PRKCH: variants seen among roughly 807,000 people sequenced by gnomAD.
PRKCH encodes protein kinase C eta type.
A neutral mutation model predicts 82.5 loss-of-function variants in PRKCH; 28 were observed. The observed-to-expected ratio is 0.34, with a 90% confidence interval of 0.25 to 0.47. The LOEUF (loss-of-function observed/expected upper bound fraction) is 0.47, where lower values mean the gene tolerates loss of function less well. Ranked by LOEUF, PRKCH falls within the 20% of genes least tolerant of loss-of-function variation. The pLI is 1.00. For synonymous variants in PRKCH, 322 were observed against 327.4 expected, an observed-to-expected ratio of 0.98 and a Z score of 0.18; for missense variants, 705 against 881.8, an observed-to-expected ratio of 0.80 and a Z score of 2.54.
At chr14:61,389,051 A>C (rs866326970) in intron 1 of PRKCH, among the ~76,000 whole-genome samples, 3 of 152,206 alleles carry the variant, frequency 2.0e-5, no homozygotes, top group African/African-American at 7.2e-5. Flanking sequence ...AGATACAATA[A>C]ATTTTAAAAA....
intron 2 of PRKCH, among the ~76,000 whole-genome samples, chr14:61,420,194 C>T (rs982757330): frequency 2.0e-5 from 3 of 151,990 alleles, no homozygotes; most frequent in Non-Finnish European, 2.9e-5. Context: ...TGTGTGTGTG[C>T]GTGTATGTGT....
At chr14:61,490,780 G>A (rs539550782) in intron 10 of PRKCH, among the ~76,000 whole-genome samples, 1 of 152,256 alleles carries the variant, frequency 6.6e-6, no homozygotes. Flanking sequence ...TGGGCATGGT[G>A]TAGTGCACAC....
chr14:61,479,092 T>C (rs1050791075), intron 9 of PRKCH, among the ~76,000 whole-genome samples: 1 of 152,156 alleles, frequency 6.6e-6, no homozygotes, highest in Non-Finnish European at 1.5e-5. Flanking sequence ...TGCTCTTGGC[T>C]CACTCACCCT....
intron 10 of PRKCH, among the ~76,000 whole-genome samples, chr14:61,513,171 G>A (rs17098645): frequency 0.022 from 3,406 of 152,160 alleles, 137 homozygotes; most frequent in African/African-American, 0.079. Flanking sequence ...CATCCACCAC[G>A]CGCAGAACTT....
chr14:61,319,198 C>A (rs1192425804), upstream of PRKCH, among the ~76,000 whole-genome samples: 1 of 152,200 alleles, frequency 6.6e-6, no homozygotes, highest in Non-Finnish European at 1.5e-5. Flanking sequence ...GCTCCAGCCA[C>A]GTAGGGTGCT....
At chr14:61,467,497 G>C (rs917873883) in intron 9 of PRKCH, among the ~76,000 whole-genome samples, 1 of 152,218 alleles carries the variant, frequency 6.6e-6, no homozygotes, top group Admixed American at 6.5e-5. Context: ...GGAGGAGAAG[G>C]CATGCTCAGA....
At chr14:61,513,733 A>G (rs546073782) in intron 10 of PRKCH, among the ~76,000 whole-genome samples, 8 of 152,268 alleles carry the variant, frequency 5.3e-5, no homozygotes, top group South Asian at 2.1e-4. Flanking sequence ...ATAGTTTGTC[A>G]TACTGTCAAA....
At chr14:61,307,822 A>G (rs186429679) in intron 1 of PRKCH, among the ~76,000 whole-genome samples, 1 of 152,336 alleles carries the variant, frequency 6.6e-6, no homozygotes, top group Non-Finnish European at 1.5e-5. Flanking sequence ...ATGCAGCTAA[A>G]TGCCAGGTAA....
chr14:61,274,330 A>G (rs1032996208), intron 1 of PRKCH, among the ~76,000 whole-genome samples: 3 of 152,240 alleles, frequency 2.0e-5, no homozygotes, highest in Admixed American at 2.0e-4. Context: ...GAGGCCAACC[A>G]TGAAGGTGTG....
chr14:61,492,825 G>A (rs961139871), intron 10 of PRKCH, among the ~76,000 whole-genome samples: 4 of 152,210 alleles, frequency 2.6e-5, no homozygotes, highest in African/African-American at 9.7e-5. Context: ...TATCTTGGGA[G>A]CAGACAGAAT....
chr14:61,230,031 T>C (rs748416257), intron 1 of PRKCH, among the ~76,000 whole-genome samples: 2 of 152,228 alleles, frequency 1.3e-5, no homozygotes, highest in Non-Finnish European at 2.9e-5. Context: ...TTTCCCCTTT[T>C]TTCCTTCCTG....
intron 10 of PRKCH, among the ~76,000 whole-genome samples, chr14:61,525,978 A>G (rs2042960783): frequency 6.6e-6 from 1 of 152,176 alleles, no homozygotes; most frequent in Non-Finnish European, 1.5e-5. Flanking sequence ...GTGTGCCCGC[A>G]GTCCCAGAGG....
chr14:61,456,290 C>T (rs931993828), intron 7 of PRKCH, among the ~76,000 whole-genome samples: 6 of 152,156 alleles, frequency 3.9e-5, no homozygotes, highest in African/African-American at 1.2e-4. Flanking sequence ...AGGCAGCTTG[C>T]TTGAGAGCTA....
At chr14:61,320,460 G>A (rs113888959), upstream of PRKCH, among the ~76,000 whole-genome samples, 2 of 152,284 alleles carry the variant, frequency 1.3e-5, no homozygotes, top group Non-Finnish European at 2.9e-5. Context: ...TTAGCCGGGC[G>A]TGGTGGCGCA....
chr14:61,468,289 T>C (rs1885349007), intron 9 of PRKCH, among the ~76,000 whole-genome samples: 1 of 152,202 alleles, frequency 6.6e-6, no homozygotes, highest in Non-Finnish European at 1.5e-5. Context: ...AGCCAGAACA[T>C]GGTGTTTCCT....
intron 1 of PRKCH, chr14:61,307,190 G>C (rs2045490866): frequency 6.6e-6 from 1 of 152,122 alleles, no homozygotes; most frequent in Admixed American, 6.5e-5. Flanking sequence ...CTTGAGGCTA[G>C]GAGTTCAAAA....
Position 61,524,603 on chromosome 14 carries a change from G to A in PRKCH, c.1434-4472G>A, listed in dbSNP as rs551427716. Among the ~76,000 whole-genome samples the A allele has an allele frequency of 5.3e-5, 8 of 152,246 alleles. No homozygotes were observed. The South Asian group carries it at 1.7e-3, about 32-fold the overall frequency. On this transcript the variant is annotated intron_variant, in intron 10 of 13. Transcript: ENST00000332981. ...TCTGCATATTTCAAACTAAAGTCAG[G>A]AGGCTTAGGGTGACTTCTTTTGCTT...
intron 1 of PRKCH, among the ~76,000 whole-genome samples, chr14:61,200,499 G>A (rs983201475): frequency 1.3e-5 from 2 of 152,140 alleles, no homozygotes; most frequent in Admixed American, 6.6e-5. Context: ...TGGGAACCAG[G>A]ACTGGAAAGT....
intron 1 of PRKCH, among the ~76,000 whole-genome samples, chr14:61,365,183 T>A (rs1201295084): frequency 1.3e-5 from 2 of 152,088 alleles, no homozygotes; most frequent in Non-Finnish European, 2.9e-5. Flanking sequence ...TTTTGGTGTT[T>A]GAGAACACAG....
Sources: gnomAD v4.1 joint callset for allele counts (sites outside exome capture counted in the v4.1 genomes callset) on GRCh38, gnomAD v4.1.1 for gene constraint, MANE v1.5 for transcripts, NCBI Gene and HGNC (gene_info 2026-07-23, HGNC 2026-07-21) for gene names.